Variants in KIAA1217 observed in about 807,000 individuals in gnomAD.
The protein encoded by KIAA1217 is sickle tail protein homolog.
In KIAA1217, 88 loss-of-function variants were observed where a neutral mutation model predicts 163.9. That is an observed-to-expected ratio of 0.54 (90% CI 0.45 to 0.64). The LOEUF is 0.64. Ranked by LOEUF, KIAA1217 falls within the 30% of genes least tolerant of loss-of-function variation. The pLI is 0.00. For synonymous variants in KIAA1217, 903 were observed against 923.1 expected (o/e 0.98, Z 0.39); for missense variants, 2,372 against 2,475.0 (o/e 0.96, Z 0.88).
intron 2 of KIAA1217, among the ~76,000 whole-genome samples, chr10:24,252,945 G>A (rs1260757709): frequency 6.6e-6 from 1 of 151,934 alleles, no homozygotes; most frequent in East Asian, 1.9e-4. Flanking sequence ...TTGAGCCCGG[G>A]AGTTTGAGAC....
intron 17 of KIAA1217, 178 bp from the exon 18 acceptor site, chr10:24,542,515 T>C (rs1302116774): frequency 1.5e-5 from 22 of 1,426,814 alleles, no homozygotes; most frequent in Non-Finnish European, 1.9e-5. Context: ...AGGGCATTTT[T>C]GGCAGTTGGA....
At chr10:23,909,627 C>CT (rs1204221933) in intron 1 of KIAA1217, among the ~76,000 whole-genome samples, 2 of 152,044 alleles carry the variant, frequency 1.3e-5, no homozygotes, top group East Asian at 3.9e-4. Flanking sequence ...ATGAACTCAT[C>CT]TTTTTTTATG....
chr10:23,935,358 C>T (rs530303876), intron 1 of KIAA1217, among the ~76,000 whole-genome samples: 2 of 152,138 alleles, frequency 1.3e-5, no homozygotes, highest in African/African-American at 2.4e-5. Flanking sequence ...CAGATCACTG[C>T]GAGAAAAACA....
chr10:24,054,495 A>G (rs1849743037), intron 2 of KIAA1217, among the ~76,000 whole-genome samples: 1 of 152,212 alleles, frequency 6.6e-6, no homozygotes, highest in African/African-American at 2.4e-5. Context: ...GAGCAAAGAT[A>G]GAATGAAAGT....
chr10:23,924,987 T>C (rs937628627), intron 1 of KIAA1217, among the ~76,000 whole-genome samples: 1 of 152,136 alleles, frequency 6.6e-6, no homozygotes, highest in African/African-American at 2.4e-5. Flanking sequence ...AATAGCATTA[T>C]TTTGAGAGAT....
intron 1 of KIAA1217, among the ~76,000 whole-genome samples, chr10:23,955,101 C>G (rs1038931979): frequency 6.6e-6 from 1 of 152,096 alleles, no homozygotes; most frequent in African/African-American, 2.4e-5. Context: ...TCTACTTAAT[C>G]CACACAACCA....
intron 5 of KIAA1217, among the ~76,000 whole-genome samples, chr10:24,459,940 A>G (rs1248827645): frequency 1.3e-5 from 2 of 152,096 alleles, no homozygotes; most frequent in East Asian, 3.8e-4. Context: ...CTTTAAAACT[A>G]AAAAAAGTGA....
At position 23,777,935 on chromosome 10, in the gene KIAA1217, T is replaced by A. The variant is rs572729755; in HGVS notation, c.-321+82701T>A. ...GACTACCAGTCTTAACTACGGAAAT[T>A]TTTTCTTTTTTTCTTTTTCTTTTTT... On this transcript the variant is annotated intron_variant, in intron 1 of 18. Transcript: ENST00000376462. Among the ~76,000 whole-genome samples the A allele has an allele frequency of 4.6e-5, 7 of 152,020 alleles. No homozygotes were observed. The East Asian group carries it at 1.4e-3, about 29-fold the overall frequency.
chr10:24,052,600 CT>C (rs1161368779), intron 2 of KIAA1217, among the ~76,000 whole-genome samples: 1 of 119,572 alleles, frequency 8.4e-6, no homozygotes, highest in Non-Finnish European at 1.9e-5. Context: ...GTGCTTCCAA[CT>C]TTTAGTTTTC....
intron 1 of KIAA1217, among the ~76,000 whole-genome samples, chr10:23,849,024 C>G (rs904935186): frequency 2.0e-5 from 3 of 151,994 alleles, no homozygotes; most frequent in African/African-American, 7.2e-5. Context: ...GAACCTGGCA[C>G]AGTCCTAGGA....
chr10:24,100,606 A>C (rs1202181483), intron 2 of KIAA1217, among the ~76,000 whole-genome samples: 1 of 152,218 alleles, frequency 6.6e-6, no homozygotes, highest in African/African-American at 2.4e-5. Context: ...TGTTGCTTTT[A>C]GCAAGGCTGT....
intron 2 of KIAA1217, among the ~76,000 whole-genome samples, chr10:24,178,776 C>T (rs2066029201): frequency 6.6e-6 from 1 of 152,008 alleles, no homozygotes; most frequent in Non-Finnish European, 1.5e-5. Context: ...TTTCTTTAGC[C>T]TGAGTTTTTT....
chr10:24,288,074 G>A (rs2078731101), intron 2 of KIAA1217, among the ~76,000 whole-genome samples: 1 of 152,062 alleles, frequency 6.6e-6, no homozygotes, highest in Non-Finnish European at 1.5e-5. Flanking sequence ...TTTTCATCGG[G>A]AAAGTACTAC....
intron 7 of KIAA1217, chr10:24,494,825 C>A: frequency 1.7e-6 from 1 of 577,728 alleles, no homozygotes; most frequent in African/African-American, 1.9e-5. Flanking sequence ...ACACTTTGGC[C>A]CAAGAAGGTA....
chr10:23,959,438 G>A (rs984363658), intron 1 of KIAA1217, among the ~76,000 whole-genome samples: 5 of 152,132 alleles, frequency 3.3e-5, no homozygotes, highest in African/African-American at 9.7e-5. Context: ...CAGGAGGATC[G>A]CTTGAGCCCA....
At chr10:24,518,222 T>C (rs2070505943) in intron 10 of KIAA1217, among the ~76,000 whole-genome samples, 1 of 152,246 alleles carries the variant, frequency 6.6e-6, no homozygotes. Context: ...AAAAGTCATA[T>C]TGATTACCAT....
intron 1 of KIAA1217, among the ~76,000 whole-genome samples, chr10:23,717,195 T>C (rs1296889631): frequency 1.3e-5 from 2 of 152,306 alleles, no homozygotes; most frequent in East Asian, 3.9e-4. Context: ...TTAAAATGCT[T>C]CCTGGTATTA....
intron 1 of KIAA1217, among the ~76,000 whole-genome samples, chr10:23,809,006 T>C (rs898942184): frequency 1.3e-5 from 2 of 151,984 alleles, no homozygotes; most frequent in African/African-American, 4.8e-5. Flanking sequence ...GACAGTAAAA[T>C]ATCTTCAAGG....
At position 24,513,282 on chromosome 10, in the gene KIAA1217, G is replaced by T; in HGVS notation, c.2025G>T (p.Arg675Ser). Residue 675 changes from arginine to serine, a missense_variant, in exon 10 of 21, where the codon AGG (arginine) becomes AGT (serine). Physicochemically the swap from Arg to Ser is moderately radical, Grantham distance 110. Around this residue, in one of 3 missense-constraint regions of KIAA1217, gnomAD observed 1,431 missense variants for 1,470.3 expected, o/e 0.97. Coordinates refer to ENST00000376454, the MANE Select transcript of KIAA1217 (RefSeq NM_019590.5). ...AGCTGCAGAACCAGGAGTTGCTGAG[G>T]GCAATGATGAAGAAGGCCGAGCTGG... ...QLQLQNQELL[R>S]AMMKKAELEI... The T allele has an allele frequency of 6.2e-7, 1 of 1,614,086 alleles. No individual in the cohort carries two copies. Among genetic ancestry groups the T allele is most frequent in the East Asian group, 2.2e-5 (1 of 44,882 alleles).
Sources: gnomAD v4.1 joint callset for allele counts (sites outside exome capture counted in the v4.1 genomes callset) on GRCh38, gnomAD v4.1.1 for gene constraint, gnomAD v4.1.1 regional missense constraint, MANE v1.5 for transcripts, NCBI Gene and HGNC (gene_info 2026-07-23, HGNC 2026-07-21) for gene names.